DLGAP1: variants seen among roughly 807,000 people sequenced by gnomAD.
The protein encoded by DLGAP1 is DLG associated protein 1.
In DLGAP1, 11 loss-of-function variants were observed where a neutral mutation model predicts 90.8. The observed-to-expected ratio is 0.12, with a 90% confidence interval of 0.08 to 0.20. The LOEUF is 0.20. DLGAP1 is among the 10% of genes least tolerant of loss of function. The pLI, the probability that DLGAP1 is intolerant of heterozygous loss-of-function variation, is 1.00. For missense variants in DLGAP1, 1,050 were observed against 1,333.8 expected, an observed-to-expected ratio of 0.79 and a Z score of 3.31; for synonymous variants, 558 against 540.7, an observed-to-expected ratio of 1.03 and a Z score of -0.44.
At chr18:3,870,482 C>A (rs2070675584) in intron 4 of DLGAP1, among the ~76,000 whole-genome samples, 1 of 152,098 alleles carries the variant, frequency 6.6e-6, no homozygotes, top group Non-Finnish European at 1.5e-5. Context: ...GCGTATGTAT[C>A]CTGCACACTA....
intron 7 of DLGAP1, among the ~76,000 whole-genome samples, chr18:3,688,539 A>G (rs2060781142): frequency 6.6e-6 from 1 of 151,976 alleles, no homozygotes; most frequent in African/African-American, 2.4e-5. Context: ...TCTCAGAACA[A>G]ACTTCAGAAT....
chr18:3,999,209 T>C (rs574170930), intron 3 of DLGAP1, among the ~76,000 whole-genome samples: 1 of 152,210 alleles, frequency 6.6e-6, no homozygotes, highest in South Asian at 2.1e-4. Flanking sequence ...TATATATTTG[T>C]ATTTTTTATC....
intron 1 of DLGAP1, among the ~76,000 whole-genome samples, chr18:4,289,273 G>A (rs558998336): frequency 2.0e-4 from 30 of 152,266 alleles, no homozygotes; most frequent in African/African-American, 7.0e-4. Context: ...TCTGCGAAGG[G>A]TGAATCATTC....
In DLGAP1 at chr18:3,565,864, C is replaced by A. The variant is rs537532078; in HGVS notation, c.2057+1626G>T. ...AAACCACACACAAAAAACAAACAAA[C>A]AAAAAAAAATGATTACTAAAACTTT... On this transcript the variant is annotated intron_variant, in intron 9 of 12. Transcript: ENST00000315677. This position sits in a 1 kb window ranked among gnomAD's most constrained non-coding sequence, Gnocchi z 4.0. Among the ~76,000 whole-genome samples the A allele has an allele frequency of 2.4e-4, 36 of 150,398 alleles. No individual in the cohort carries two copies. In the East Asian group the frequency reaches 5.7e-3, roughly 24 times the overall value.
intron 5 of DLGAP1, among the ~76,000 whole-genome samples, chr18:3,813,110 C>T (rs887570312): frequency 6.6e-6 from 1 of 152,146 alleles, no homozygotes; most frequent in Admixed American, 6.5e-5. Context: ...TAGCGCTATT[C>T]TTTGTTTACA....
intron 1 of DLGAP1, among the ~76,000 whole-genome samples, chr18:4,243,978 G>C (rs564868758): frequency 6.6e-6 from 1 of 152,194 alleles, no homozygotes; most frequent in Admixed American, 6.5e-5. Context: ...ACACCTGGGT[G>C]CCCATGGTGT....
chr18:3,995,877 T>A (rs1009527284), intron 3 of DLGAP1, among the ~76,000 whole-genome samples: 6 of 152,110 alleles, frequency 3.9e-5, no homozygotes, highest in African/African-American at 1.4e-4. Context: ...CATGCTAAGC[T>A]GGAATGATTT....
chr18:3,648,916 G>T (rs554364866), intron 7 of DLGAP1, among the ~76,000 whole-genome samples: 4 of 152,318 alleles, frequency 2.6e-5, no homozygotes, highest in Non-Finnish European at 4.4e-5. Context: ...AGGTTATGGT[G>T]CTTGGGATGC....
chr18:3,783,465 T>G (rs550356024), intron 5 of DLGAP1, among the ~76,000 whole-genome samples: 1 of 152,288 alleles, frequency 6.6e-6, no homozygotes, highest in African/African-American at 2.4e-5. Context: ...ACTATGCAGC[T>G]CTAAAAAGAA....
chr18:3,669,584 G>A (rs759423380), intron 7 of DLGAP1, among the ~76,000 whole-genome samples: 1 of 152,230 alleles, frequency 6.6e-6, no homozygotes, highest in Non-Finnish European at 1.5e-5. Flanking sequence ...CACATGGATC[G>A]ATGCCATCGA....
chr18:4,294,610 C>T (rs1362166733), intron 1 of DLGAP1: 1 of 152,260 alleles, frequency 6.6e-6, no homozygotes, highest in Non-Finnish European at 1.5e-5. Flanking sequence ...ATTCCCAAAA[C>T]CCAAGTGGGC....
intron 1 of DLGAP1, among the ~76,000 whole-genome samples, chr18:4,445,730 A>C (rs1184167856): frequency 6.6e-6 from 1 of 152,040 alleles, no homozygotes; most frequent in Non-Finnish European, 1.5e-5. Context: ...AAAATCTCAG[A>C]ATATTCACAT....
chr18:3,614,576 A>G (rs1324364167), intron 7 of DLGAP1, among the ~76,000 whole-genome samples: 1 of 151,466 alleles, frequency 6.6e-6, no homozygotes, highest in Non-Finnish European at 1.5e-5. Context: ...GATTTTAAGA[A>G]TTACTGGAGT....
At chr18:4,249,049 G>A (rs2078718711) in intron 1 of DLGAP1, among the ~76,000 whole-genome samples, 1 of 152,170 alleles carries the variant, frequency 6.6e-6, no homozygotes, top group South Asian at 2.1e-4. Flanking sequence ...TGCTCAGCGA[G>A]GCTGTACCCT....
At chr18:4,101,004 G>A (rs1049633613) in intron 2 of DLGAP1, among the ~76,000 whole-genome samples, 15 of 152,106 alleles carry the variant, frequency 9.9e-5, no homozygotes, top group Admixed American at 6.6e-4. Context: ...TATCAGTAAC[G>A]CCATTGCACT....
In DLGAP1 at chr18:4,378,480, T is replaced by C. The variant is rs1479603570; in HGVS notation, c.-267+76526A>G. Among the ~76,000 whole-genome samples, 1 of 152,118 alleles carries C rather than the reference T, an allele frequency of 6.6e-6. No individual in the cohort carries two copies. The highest frequency in any genetic ancestry group is 1.5e-5 in the Non-Finnish European group (1 of 68,006). ...ACTCAAATTGAGGTAGGTTTGATTG[T>C]CTTATTGGTAAGTAGGTTTGATACC... is the stretch of plus-strand genomic sequence containing the variant. On this transcript the variant is annotated intron_variant, in intron 1 of 12. Coordinates refer to ENST00000315677, the MANE Select transcript of DLGAP1 (RefSeq NM_004746.4). This position sits in a 1 kb window ranked among gnomAD's most constrained non-coding sequence, Gnocchi z 4.5.
chr18:3,974,709 C>T (rs557451664), intron 3 of DLGAP1, among the ~76,000 whole-genome samples: 27 of 152,008 alleles, frequency 1.8e-4, no homozygotes, highest in South Asian at 4.2e-4. Flanking sequence ...AAAGACCTAA[C>T]ATAAAAAGGA....
rs372278516 is a variant in DLGAP1 at position 4,089,773 on chromosome 18, C to T, written c.-159+61407G>A. 2.1e-3 allele frequency among the ~76,000 whole-genome samples: 323 copies of T among 152,306 alleles called. 1 individual carries two copies. The highest frequency in any genetic ancestry group is 3.8e-3 in the Non-Finnish European group (256 of 68,024). On this transcript the variant is annotated intron_variant, in intron 2 of 12. Transcript: ENST00000315677. ...AACCGGACCTCTTCCTGGCCGGGCA[C>T]GGTGGCTCACGCCTGTAGTCCCAGC...
intron 7 of DLGAP1, among the ~76,000 whole-genome samples, chr18:3,637,944 CTT>C (rs56346479): frequency 0.29 from 31,370 of 106,972 alleles, 2,230 homozygotes; most frequent in East Asian, 0.61. Flanking sequence ...TGCTAGGTAG[CTT>C]TTTTTTTTTT....
Sources: allele counts gnomAD v4.1 joint callset (sites outside exome capture counted in the v4.1 genomes callset), GRCh38; gene constraint gnomAD v4.1.1; non-coding constraint Gnocchi (gnomAD v3.1); transcripts MANE v1.5; gene names NCBI Gene and HGNC (gene_info 2026-07-23, HGNC 2026-07-21).